Variants in XRN2 observed in about 807,000 individuals in gnomAD.
XRN2 encodes the protein 5'-3' exoribonuclease 2.
In XRN2, 44 loss-of-function variants were observed where a neutral mutation model predicts 138.5. The observed-to-expected ratio is 0.32, with a 90% CI of 0.25 to 0.41. XRN2 has a LOEUF of 0.41. Among genes scored for constraint, XRN2 ranks in the 10% least tolerant of loss-of-function variants. The pLI, the probability that XRN2 is intolerant of heterozygous loss-of-function variation, is 1.00. For missense variants in XRN2, 937 were observed against 1,169.3 expected (o/e 0.80, Z 2.90); for synonymous variants, 354 against 369.4 (o/e 0.96, Z 0.48).
At chr20:21,349,548 G>A in intron 20 of XRN2, 87 bp downstream of exon 20, 4 of 1,139,112 alleles carry the variant, frequency 3.5e-6, no homozygotes, top group Non-Finnish European at 2.6e-6. Context: ...AAATATTTTA[G>A]CCTGGGCAAC....
chr20:21,304,985 G>GT (rs1409465513), intron 1 of XRN2, among the ~76,000 whole-genome samples: 5 of 149,976 alleles, frequency 3.3e-5, no homozygotes, highest in Non-Finnish European at 4.5e-5. Flanking sequence ...CTGTGATTTT[G>GT]TTTTTTGTGC....
chr20:21,364,244 G>GT (rs1360282277), intron 24 of XRN2, among the ~76,000 whole-genome samples: 3 of 152,106 alleles, frequency 2.0e-5, no homozygotes, highest in South Asian at 2.1e-4. Flanking sequence ...GGAAGGACTA[G>GT]TTTTTTTAAC....
chr20:21,350,938 C>T (rs185282727), intron 20 of XRN2, among the ~76,000 whole-genome samples: 10 of 152,132 alleles, frequency 6.6e-5, no homozygotes, highest in Non-Finnish European at 7.4e-5. Context: ...ATTGGAGATT[C>T]GGGTTTTTCA....
chr20:21,340,653 T>C, intron 14 of XRN2, 68 bp from the exon 15 acceptor site: 1 of 1,563,582 alleles, frequency 6.4e-7, no homozygotes, highest in Middle Eastern at 1.8e-4. Flanking sequence ...ATTGCCCTTC[T>C]TTCCTTTCTG....
At chr20:21,386,077 TAA>T (rs1376650608) in intron 28 of XRN2, among the ~76,000 whole-genome samples, 1 of 152,252 alleles carries the variant, frequency 6.6e-6, no homozygotes, top group Non-Finnish European at 1.5e-5. Context: ...AGTTTTTAAT[TAA>T]GTTATGATTT....
At position 21,333,433 on chromosome 20, in the gene XRN2, T is replaced by A. The variant is rs2038242291; in HGVS notation, c.859-111T>A. On this transcript the variant is annotated intron_variant, in intron 9 of 29. Transcript: ENST00000377191. ...TGGTGAGCTTTTAAAAATTAAATAC[T>A]TGTGATATTAAAATGGATTGTGCGT... The A allele has an allele frequency of 2.8e-6, 3 of 1,086,316 alleles. No homozygotes were observed. The South Asian group carries it at 4.0e-5, about 14-fold the overall frequency. 67.3% of individuals were successfully genotyped at this position (1,086,316 alleles called of 1,614,324 possible).
chr20:21,343,100 T>C (rs560325407), intron 15 of XRN2, among the ~76,000 whole-genome samples: 6 of 152,184 alleles, frequency 3.9e-5, no homozygotes, highest in Non-Finnish European at 4.4e-5. Context: ...CTAATTATTA[T>C]ATCATTCAAA....
intron 1 of XRN2, among the ~76,000 whole-genome samples, chr20:21,321,416 A>C (rs2038043218): frequency 6.9e-6 from 1 of 145,020 alleles, no homozygotes; most frequent in African/African-American, 2.6e-5. Flanking sequence ...GTAGTTTCCA[A>C]CTCCTGGGCT....
rs138790989 is a variant in XRN2 at position 21,348,247 on chromosome 20, G to A, written c.1767G>A (p.Thr589=). ...TGCCATCTGATTTTGAGAAGGGTAC[G>A]AAACCGGTAAGCTTAATTACTTAAA... ...ADMPSDFEKG[T]KPFKPLEQLM... is the part of the protein sequence containing the mutation. The change falls in exon 18 of 30, where the codon ACG becomes ACA. Residue 589 remains threonine (T), a synonymous_variant. Coordinates refer to ENST00000377191, the MANE Select transcript of XRN2 (RefSeq NM_012255.5). 5.6e-6 allele frequency: 9 copies of A among 1,613,582 alleles called. No individual in the cohort carries two copies. In the African/African-American group the frequency reaches 8.0e-5, roughly 14 times the overall value.
At chr20:21,376,077 A>G (rs1172245535) in intron 27 of XRN2, among the ~76,000 whole-genome samples, 1 of 152,140 alleles carries the variant, frequency 6.6e-6, no homozygotes, top group Non-Finnish European at 1.5e-5. Flanking sequence ...TGACCTCGTG[A>G]TCCGTCCGCC....
At chr20:21,352,432 A>G (rs565389839) in intron 20 of XRN2, among the ~76,000 whole-genome samples, 23 of 151,930 alleles carry the variant, frequency 1.5e-4, no homozygotes, top group African/African-American at 3.9e-4. Flanking sequence ...GGTCCAAGCA[A>G]TTTCTCCTGC....
At position 21,333,521 on chromosome 20, in the gene XRN2, C is replaced by T. The variant is rs200555929; in HGVS notation, c.859-23C>T. On this transcript the variant is annotated intron_variant, in intron 9 of 29. Transcript: ENST00000377191. ...TACTGGACGTAGAGTAGACTTGTTT[C>T]ATCTTCATTCCTGTTCTTGCAGCAT... 70 of 1,606,018 alleles carry T rather than the reference C, an allele frequency of 4.4e-5. No homozygotes were observed. The East Asian group carries it at 1.5e-3, about 35-fold the overall frequency.
At chr20:21,368,385 T>A in intron 26 of XRN2, 78 bp from the exon 27 acceptor site, 1 of 1,550,854 alleles carries the variant, frequency 6.4e-7, no homozygotes, top group Admixed American at 2.0e-5. Flanking sequence ...TATGAGCATT[T>A]GTTTTATTTG....
chr20:21,319,984 G>A (rs774900734), intron 1 of XRN2, among the ~76,000 whole-genome samples: 47 of 152,138 alleles, frequency 3.1e-4, no homozygotes, highest in Non-Finnish European at 8.8e-5. Context: ...CTTATTGTTT[G>A]CATGGACTTG....
In XRN2 at chr20:21,333,700, G is replaced by A. The variant is rs2038247072; in HGVS notation, c.934-4G>A. Reference sequence around the variant, plus strand: ...GTAATGGCAGCATTCCTTTTTGGTTGTAGTATTTGGAAAGAGAACTCACAA... The same window carrying A: ...GTAATGGCAGCATTCCTTTTTGGTTATAGTATTTGGAAAGAGAACTCACAA... On this transcript the variant is annotated splice_polypyrimidine_tract_variant and splice_region_variant and intron_variant, in intron 10 of 29. Transcript: ENST00000377191. 1 of 1,613,898 alleles carries A rather than the reference G, an allele frequency of 6.2e-7. No homozygotes were observed. Among genetic ancestry groups the A allele is most frequent in the African/African-American group, 1.3e-5 (1 of 74,920 alleles).
At chr20:21,381,447 A>G (rs554363983) in intron 27 of XRN2, among the ~76,000 whole-genome samples, 1 of 152,230 alleles carries the variant, frequency 6.6e-6, no homozygotes, top group Non-Finnish European at 1.5e-5. Context: ...CAAGAAAACT[A>G]TCAGAAAAGA....
At chr20:21,329,472 C>G (rs989407654) in intron 4 of XRN2, among the ~76,000 whole-genome samples, 4 of 152,150 alleles carry the variant, frequency 2.6e-5, no homozygotes, top group African/African-American at 9.7e-5. Flanking sequence ...TAATTGCACT[C>G]TGCAGTTGAA....
At chr20:21,342,967 A>G (rs1043052528) in intron 15 of XRN2, among the ~76,000 whole-genome samples, 2 of 152,024 alleles carry the variant, frequency 1.3e-5, no homozygotes, top group Non-Finnish European at 2.9e-5. Context: ...GTACCTTTTC[A>G]TTAATAACAT....
At chr20:21,319,069 C>T (rs2038001353) in intron 1 of XRN2, among the ~76,000 whole-genome samples, 2 of 152,090 alleles carry the variant, frequency 1.3e-5, no homozygotes, top group South Asian at 2.1e-4. Context: ...TTATTAGGTG[C>T]ACCTGTATTT....
Sources: allele counts gnomAD v4.1 joint callset (sites outside exome capture counted in the v4.1 genomes callset), GRCh38; gene constraint gnomAD v4.1.1; transcripts MANE v1.5; gene names NCBI Gene and HGNC (gene_info 2026-07-23, HGNC 2026-07-21).